The following XIRP2 variants were observed in gnomAD, a reference collection of about 807,000 sequenced individuals.
XIRP2 encodes the protein xin actin-binding repeat-containing protein 2.
A neutral mutation model predicts 277.0 loss-of-function variants in XIRP2; 236 were observed. The observed-to-expected ratio is 0.85, with a 90% CI of 0.77 to 0.95. XIRP2 has a LOEUF of 0.95. Among genes scored for constraint, XIRP2 ranks in the 40% least tolerant of loss-of-function variants. The pLI is 0.00. For missense variants in XIRP2, 4,640 were observed against 4,157.5 expected, an observed-to-expected ratio of 1.12 and a Z score of -3.19; for synonymous variants, 1,490 against 1,416.5, an observed-to-expected ratio of 1.05 and a Z score of -1.17.
chr2:167,013,974 C>G (rs1274109302), intron 2 of XIRP2, among the ~76,000 whole-genome samples: 4 of 151,152 alleles, frequency 2.6e-5, no homozygotes, highest in Non-Finnish European at 5.9e-5. Context: ...ATTTGTGGAA[C>G]AAACTGAATG....
intron 2 of XIRP2, among the ~76,000 whole-genome samples, chr2:167,085,715 T>C (rs1267441985): frequency 1.3e-5 from 2 of 151,866 alleles, no homozygotes; most frequent in African/African-American, 4.8e-5. Flanking sequence ...CTTTGTCTCT[T>C]TTGATCTTTG....
chr2:167,052,137 A>T (rs1688929555), intron 2 of XIRP2, among the ~76,000 whole-genome samples: 1 of 150,380 alleles, frequency 6.6e-6, no homozygotes, highest in Non-Finnish European at 1.5e-5. Context: ...GGGAAAAAAT[A>T]AATTACAGTA....
chr2:167,244,671 C>T lies in XIRP2; in HGVS notation c.3279C>T (p.Thr1093=). The T allele has an allele frequency of 6.2e-7, 1 of 1,613,420 alleles. No homozygotes were observed. ...ATATTGTTAAAGGGGATGTCAAAAC[C>T]TGTAAATGGCTTTTTGAGACCCAGC... ...TRDIVKGDVK[T]CKWLFETQPM... is the part of the protein sequence containing the mutation. Residue 1093 remains threonine, a synonymous_variant, in exon 9 of 11, where the codon ACC becomes ACT. Transcript: ENST00000409195.
intron 6 of XIRP2, among the ~76,000 whole-genome samples, chr2:167,240,306 TC>T (rs1225771894): frequency 6.6e-6 from 1 of 151,938 alleles, no homozygotes; most frequent in Non-Finnish European, 1.5e-5. Context: ...TCCCAGCTAC[TC>T]GGGGGGCTGA....
At chr2:166,905,460 A>C (rs1423589140) in intron 2 of XIRP2, among the ~76,000 whole-genome samples, 1 of 151,986 alleles carries the variant, frequency 6.6e-6, no homozygotes, top group South Asian at 2.1e-4. Context: ...TGAGATTACT[A>C]ATATTCAGCA....
intron 3 of XIRP2, among the ~76,000 whole-genome samples, chr2:167,193,415 A>G (rs1199053091): frequency 6.6e-6 from 1 of 152,172 alleles, no homozygotes; most frequent in African/African-American, 2.4e-5. Flanking sequence ...GTATACATAT[A>G]TATTCTTTCC....
At chr2:167,221,307 A>G (rs1423973478) in intron 5 of XIRP2, among the ~76,000 whole-genome samples, 1 of 151,980 alleles carries the variant, frequency 6.6e-6, no homozygotes, top group Non-Finnish European at 1.5e-5. Flanking sequence ...TCTACTAAAA[A>G]TATAAAATTA....
chr2:167,050,085 C>T (rs560369428), intron 2 of XIRP2, among the ~76,000 whole-genome samples: 1 of 152,162 alleles, frequency 6.6e-6, no homozygotes, highest in East Asian at 1.9e-4. Flanking sequence ...CAGCATCTGT[C>T]TTATCCATGT....
At chr2:166,962,133 C>T (rs550749804) in intron 2 of XIRP2, among the ~76,000 whole-genome samples, 1 of 151,726 alleles carries the variant, frequency 6.6e-6, no homozygotes, top group African/African-American at 2.4e-5. Flanking sequence ...TGTTTAGAAT[C>T]CTGGGCACCT....
chr2:167,239,682 A>G (rs541425160), intron 5 of XIRP2, among the ~76,000 whole-genome samples, 173 bp from the exon 6 acceptor site: 1 of 152,340 alleles, frequency 6.6e-6, no homozygotes, highest in South Asian at 2.1e-4. Context: ...AGATCCTAAG[A>G]TTATGCCATT....
At chr2:166,970,752 A>G (rs1438049500) in intron 2 of XIRP2, among the ~76,000 whole-genome samples, 2 of 151,978 alleles carry the variant, frequency 1.3e-5, no homozygotes, top group East Asian at 3.9e-4. Flanking sequence ...ATAAATTTAT[A>G]GTGATTCACA....
At chr2:167,089,684 G>T (rs1297974402) in intron 2 of XIRP2, among the ~76,000 whole-genome samples, 1 of 152,094 alleles carries the variant, frequency 6.6e-6, no homozygotes, top group Admixed American at 6.5e-5. Context: ...ATGTGTGCGT[G>T]TATTACTTGT....
At chr2:167,165,962 GT>G (rs563677509) in intron 3 of XIRP2, among the ~76,000 whole-genome samples, 44 of 152,202 alleles carry the variant, frequency 2.9e-4, no homozygotes, top group Non-Finnish European at 5.6e-4. Flanking sequence ...GAGTTTTGTA[GT>G]TTTGCACTTT....
intron 3 of XIRP2, among the ~76,000 whole-genome samples, chr2:167,180,328 T>C (rs1012474904): frequency 6.6e-6 from 1 of 152,188 alleles, no homozygotes; most frequent in African/African-American, 2.4e-5. Context: ...GTTATGTTTC[T>C]TTGATCATAC....
chr2:167,173,318 G>T (rs982291506), intron 3 of XIRP2, among the ~76,000 whole-genome samples: 1 of 151,938 alleles, frequency 6.6e-6, no homozygotes, highest in African/African-American at 2.4e-5. Context: ...TCCTTTTACC[G>T]TCTATGTCCA....
At chr2:167,040,518 C>A (rs1191639888) in intron 2 of XIRP2, among the ~76,000 whole-genome samples, 2 of 152,176 alleles carry the variant, frequency 1.3e-5, no homozygotes, top group Admixed American at 1.3e-4. Context: ...GCAGGAAAAA[C>A]TGCCCAGAGT....
At chr2:167,219,768 T>C (rs1027486790) in intron 5 of XIRP2, among the ~76,000 whole-genome samples, 31 of 152,304 alleles carry the variant, frequency 2.0e-4, no homozygotes, top group Non-Finnish European at 4.1e-4. Flanking sequence ...CAGTCTTCAG[T>C]TTCTGATGAG....
chr2:167,205,189 G>A (rs1410596213), intron 3 of XIRP2, among the ~76,000 whole-genome samples: 1 of 151,946 alleles, frequency 6.6e-6, no homozygotes, highest in Non-Finnish European at 1.5e-5. Context: ...CAACTCAACT[G>A]GTACAAACCT....
At chr2:167,005,790 A>T (rs897154436) in intron 2 of XIRP2, among the ~76,000 whole-genome samples, 24 of 48,362 alleles carry the variant, frequency 5.0e-4, no homozygotes, top group Non-Finnish European at 5.2e-4. Context: ...CTTTATTGAT[A>T]AAAAAAAAAA....
Sources: allele counts gnomAD v4.1 joint callset (sites outside exome capture counted in the v4.1 genomes callset), GRCh38; gene constraint gnomAD v4.1.1; transcripts MANE v1.5; gene names NCBI Gene and HGNC (gene_info 2026-07-23, HGNC 2026-07-21).